Variants in IMPA1 observed in about 807,000 individuals in gnomAD.
The protein encoded by IMPA1 is inositol monophosphatase 1, also known as D-galactose 1-phosphate phosphatase.
In IMPA1, 21 loss-of-function variants were observed where a neutral mutation model predicts 34.9. The observed-to-expected ratio is 0.60, with a 90% CI of 0.43 to 0.87. IMPA1 has a LOEUF of 0.87. IMPA1 is among the 40% of genes least tolerant of loss of function. IMPA1 has a pLI of 0.00. For synonymous variants in IMPA1, 95 were observed against 104.4 expected (o/e 0.91, Z 0.55); for missense variants, 299 against 336.4 (o/e 0.89, Z 0.87).
chr8:81,668,058 C>T (rs939017511), intron 7 of IMPA1, among the ~76,000 whole-genome samples: 8 of 152,080 alleles, frequency 5.3e-5, no homozygotes, highest in Middle Eastern at 3.2e-3. Flanking sequence ...CTCCTGACCT[C>T]GTGATCCACC....
At chr8:81,659,592 C>A in intron 8 of IMPA1, 126 bp from the exon 9 acceptor site, 1 of 619,108 alleles carries the variant, frequency 1.6e-6, no homozygotes, top group African/African-American at 1.9e-5. Flanking sequence ...AAACAAAAAT[C>A]TACTGTTACA....
rs747274066 is a variant in IMPA1 at position 81,680,793 on chromosome 8, G to C, written c.64-10C>G. On this transcript the variant is annotated splice_polypyrimidine_tract_variant and intron_variant, in intron 2 of 8. Coordinates refer to ENST00000256108, the MANE Select transcript of IMPA1 (RefSeq NM_005536.4). Reference sequence around the variant, plus strand: ...TAGCTTCACAAACTACCTAAAAAGAGGTTTTGGTAAGCAAATAGAAAAGGC... The same window carrying C: ...TAGCTTCACAAACTACCTAAAAAGACGTTTTGGTAAGCAAATAGAAAAGGC... The C allele has an allele frequency of 1.4e-5, 22 of 1,581,500 alleles. No individual in the cohort carries two copies. The highest frequency in any genetic ancestry group is 1.9e-5 in the Non-Finnish European group (22 of 1,160,026).
chr8:81,657,647 T>C lies in IMPA1; in HGVS notation c.*1704A>G, dbSNP rs149426223. Among the ~76,000 whole-genome samples, 16 of 151,090 alleles carry C rather than the reference T, an allele frequency of 1.1e-4. No homozygotes were observed. In the East Asian group the frequency reaches 2.8e-3, roughly 26 times the overall value. On this transcript the variant is annotated 3_prime_UTR_variant, in exon 9 of 9. Coordinates refer to ENST00000256108, the MANE Select transcript of IMPA1 (RefSeq NM_005536.4). The stretch of plus-strand genomic sequence containing the variant: ...ACTATTAACTTTAATAATGTAAATA[T>C]CATGGCCTGGCTCGGTGGCTCACAT...
intron 7 of IMPA1, among the ~76,000 whole-genome samples, chr8:81,669,591 T>C (rs1806930728): frequency 6.6e-6 from 1 of 152,254 alleles, no homozygotes; most frequent in South Asian, 2.1e-4. Flanking sequence ...CCTGTGTCAC[T>C]ATTGTATCTT....
chr8:81,677,585 G>C (rs948300843), intron 4 of IMPA1, among the ~76,000 whole-genome samples: 1 of 152,130 alleles, frequency 6.6e-6, no homozygotes, highest in Non-Finnish European at 1.5e-5. Flanking sequence ...TGACTCACAA[G>C]AGAATTAAGA....
At chr8:81,681,646 A>G (rs2130322963) in intron 1 of IMPA1, 62 bp from the exon 2 acceptor site, 2 of 938,760 alleles carry the variant, frequency 2.1e-6, no homozygotes, top group Non-Finnish European at 3.4e-6. Flanking sequence ...GTTCACAAAA[A>G]CGTCTTAATT....
rs1362913551 is a variant in IMPA1 at position 81,674,185 on chromosome 8, T to C, written c.349-236A>G. 2.4e-5 allele frequency: 10 copies of C among 408,506 alleles called. No individual in the cohort carries two copies. In the Admixed American group the frequency reaches 2.8e-4, roughly 11 times the overall value. 25.3% of individuals were successfully genotyped at this position (408,506 alleles called of 1,614,324 possible). On this transcript the variant is annotated intron_variant, in intron 5 of 8. Coordinates refer to ENST00000256108, the MANE Select transcript of IMPA1 (RefSeq NM_005536.4). ...GATCTAAGAACACCCACCTTACTTCTCTTCCTCCTGCTTCGGAAGACAGGG... is the reference window on the plus strand; with the variant it reads ...GATCTAAGAACACCCACCTTACTTCCCTTCCTCCTGCTTCGGAAGACAGGG...
At chr8:81,662,142 G>A (rs1463723247) in intron 7 of IMPA1, among the ~76,000 whole-genome samples, 1 of 152,192 alleles carries the variant, frequency 6.6e-6, no homozygotes, top group African/African-American at 2.4e-5. Flanking sequence ...GAAAGTAGTA[G>A]TAAGTGCACC....
At chr8:81,670,244 G>A (rs1806947536) in intron 7 of IMPA1, among the ~76,000 whole-genome samples, 1 of 151,708 alleles carries the variant, frequency 6.6e-6, no homozygotes. Flanking sequence ...AAAAAATAAT[G>A]AAAACAGTAA....
intron 1 of IMPA1, chr8:81,685,896 G>C: frequency 6.5e-7 from 1 of 1,546,280 alleles, no homozygotes. Context: ...GGGCAGCACA[G>C]GACCTGGGCG....
chr8:81,663,806 A>G lies in IMPA1; in HGVS notation c.567-3139T>C, dbSNP rs527619028. Among the ~76,000 whole-genome samples, 55 of 152,274 alleles carry G rather than the reference A, an allele frequency of 3.6e-4. 1 individual carries two copies. In the South Asian group the frequency reaches 0.01, roughly 29 times the overall value. The stretch of plus-strand genomic sequence containing the variant: ...TGTAATCCCAGCACTTTGGGAGGCC[A>G]AGGCAGGTGAATCACGAGGTCAAGA... On this transcript the variant is annotated intron_variant, in intron 7 of 8. Transcript: ENST00000256108.
chr8:81,681,604 CTG>C lies in IMPA1; in HGVS notation c.-24-22_-24-21del. ...AAATATCTGTACAAAGTAGTTATAACTGTCTTAGAAGTCTTAATTATAGAATA... is the reference window on the plus strand; with the variant it reads ...AAATATCTGTACAAAGTAGTTATAACTCTTAGAAGTCTTAATTATAGAATA... On this transcript the variant is annotated intron_variant, in intron 1 of 8. Transcript: ENST00000256108. 1 of 1,394,878 alleles carries C rather than the reference CTG, an allele frequency of 7.2e-7. No individual in the cohort carries two copies. 86.4% of individuals were successfully genotyped at this position (1,394,878 alleles called of 1,614,324 possible). A position where few individuals can be genotyped will look rare whatever the true frequency, so the allele number is the denominator to read the frequency against.
At chr8:81,680,489 T>G (rs1381347868) in intron 3 of IMPA1, among the ~76,000 whole-genome samples, 161 bp downstream of exon 3, 1 of 152,238 alleles carries the variant, frequency 6.6e-6, no homozygotes, top group South Asian at 2.1e-4. Flanking sequence ...GATCCTTCAG[T>G]TCCAGTCCAA....
At chr8:81,668,099 A>T (rs186872335) in intron 7 of IMPA1, among the ~76,000 whole-genome samples, 170 of 152,330 alleles carry the variant, frequency 1.1e-3, no homozygotes, top group South Asian at 7.9e-3. Flanking sequence ...CTGGGATTAC[A>T]GGCGTGAGCC....
At position 81,658,174 on chromosome 8, in the gene IMPA1, A is replaced by G. The variant is rs1045664452; in HGVS notation, c.*1177T>C. 3 of 152,202 alleles carry G rather than the reference A, an allele frequency of 2.0e-5. No homozygotes were observed. Among genetic ancestry groups the G allele is most frequent in the African/African-American group, 7.2e-5 (3 of 41,466 alleles). The allele number at this position is 152,202 out of a possible 1,614,324, so 9.4% of individuals were successfully genotyped here. A position where few individuals can be genotyped will look rare whatever the true frequency, so the allele number is the denominator to read the frequency against. On this transcript the variant is annotated 3_prime_UTR_variant, in exon 9 of 9. Transcript: ENST00000256108. ...ACTTTACAGAAGCATTTTTAATTTT[A>G]CAACACAAAGCTCAAACGAACCTAC...
At chr8:81,665,104 T>G (rs1199256450) in intron 7 of IMPA1, among the ~76,000 whole-genome samples, 1 of 152,164 alleles carries the variant, frequency 6.6e-6, no homozygotes, top group African/African-American at 2.4e-5. Context: ...ACAAAACTAC[T>G]GCAAAACATC....
rs879932837 is a variant in IMPA1, at chr8:81,678,171, ATT to A, written c.302+953_302+954del. ...GTCTATTCATCCTAACACCCATGCAATTTTTTTTTTTTTGCCGGCCCCAGCCC... is the reference window on the plus strand; with the variant it reads ...GTCTATTCATCCTAACACCCATGCAATTTTTTTTTTTGCCGGCCCCAGCCC... On this transcript the variant is annotated intron_variant, in intron 4 of 8. Coordinates refer to ENST00000256108, the MANE Select transcript of IMPA1 (RefSeq NM_005536.4). Among the ~76,000 whole-genome samples, 5 of 144,466 alleles carry A rather than the reference ATT, an allele frequency of 3.5e-5. No homozygotes were observed. In the South Asian group the frequency reaches 8.8e-4, roughly 25 times the overall value. 94.8% of individuals were successfully genotyped at this position (144,466 alleles called of 152,430 possible).
chr8:81,684,202 T>C (rs1243500327), intron 1 of IMPA1, among the ~76,000 whole-genome samples: 1 of 147,584 alleles, frequency 6.8e-6, no homozygotes, highest in East Asian at 2.0e-4. Flanking sequence ...CTTTATATAC[T>C]ATATATTTAG....
At chr8:81,680,155 A>C (rs1201110009) in intron 3 of IMPA1, among the ~76,000 whole-genome samples, 1 of 149,348 alleles carries the variant, frequency 6.7e-6, no homozygotes, top group Non-Finnish European at 1.5e-5. Context: ...AAAAAAGGTC[A>C]CTCTCTAATA....
Sources: gnomAD v4.1 joint callset for allele counts (sites outside exome capture counted in the v4.1 genomes callset) on GRCh38, gnomAD v4.1.1 for gene constraint, MANE v1.5 for transcripts, NCBI Gene and HGNC (gene_info 2026-07-23, HGNC 2026-07-21) for gene names.